Variants in RANBP17 observed in about 807,000 individuals in gnomAD.
RANBP17 encodes ran-binding protein 17.
In RANBP17, 158 loss-of-function variants were observed where a neutral mutation model predicts 141.2. The observed-to-expected ratio is 1.12, with a 90% CI of 0.98 to 1.28. The LOEUF (loss-of-function observed/expected upper bound fraction) is 1.28. Ranked by LOEUF, RANBP17 falls within the 50% of genes most tolerant of loss-of-function variation. RANBP17 has a pLI of 0.00. For synonymous variants in RANBP17, 430 were observed against 450.0 expected, an observed-to-expected ratio of 0.96 and a Z score of 0.56; for missense variants, 1,438 against 1,290.7, an observed-to-expected ratio of 1.11 and a Z score of -1.75.
intron 12 of RANBP17, among the ~76,000 whole-genome samples, chr5:170,939,161 A>G (rs1774123048): frequency 6.6e-6 from 1 of 152,164 alleles, no homozygotes; most frequent in African/African-American, 2.4e-5. Context: ...CTGTTATTGT[A>G]TATCAGCAAA....
intron 14 of RANBP17, among the ~76,000 whole-genome samples, chr5:170,970,188 A>G (rs1561943424): frequency 6.6e-6 from 1 of 151,862 alleles, no homozygotes; most frequent in Non-Finnish European, 1.5e-5. Flanking sequence ...CAATTTTTTT[A>G]GCAACCAACT....
At chr5:171,160,975 G>C (rs571134865) in intron 14 of RANBP17, among the ~76,000 whole-genome samples, 1 of 152,186 alleles carries the variant, frequency 6.6e-6, no homozygotes, top group South Asian at 2.1e-4. Flanking sequence ...TGTATTTTTA[G>C]TAGAAGTAGA....
intron 14 of RANBP17, among the ~76,000 whole-genome samples, chr5:171,124,064 G>A (rs1756245735): frequency 6.6e-6 from 1 of 152,020 alleles, no homozygotes; most frequent in African/African-American, 2.4e-5. Context: ...CTTAAAAAGA[G>A]TTCAAAATAA....
At chr5:171,056,814 A>G (rs245750) in intron 14 of RANBP17, among the ~76,000 whole-genome samples, 92,610 of 151,598 alleles carry the variant, frequency 0.61, 29,612 homozygotes, top group South Asian at 0.88. Flanking sequence ...TAGCCAAATT[A>G]TACCTCAAAA....
intron 14 of RANBP17, among the ~76,000 whole-genome samples, chr5:171,004,773 C>A (rs1779466917): frequency 6.6e-6 from 1 of 152,106 alleles, no homozygotes; most frequent in Non-Finnish European, 1.5e-5. Flanking sequence ...CGGGGGCCCA[C>A]ACAGACAGGG....
At chr5:171,290,137 G>A (rs1275710404) in intron 25 of RANBP17, among the ~76,000 whole-genome samples, 1 of 151,922 alleles carries the variant, frequency 6.6e-6, no homozygotes, top group African/African-American at 2.4e-5. Context: ...GGGAGGCGGA[G>A]GCAGGTGGAT....
At chr5:170,990,041 A>G (rs1456957876) in intron 14 of RANBP17, among the ~76,000 whole-genome samples, 2 of 151,854 alleles carry the variant, frequency 1.3e-5, no homozygotes, top group Non-Finnish European at 3.0e-5. Context: ...GCAAAGTCCA[A>G]GTTAAAGTGC....
intron 12 of RANBP17, among the ~76,000 whole-genome samples, chr5:170,932,603 G>C (rs1261529340): frequency 2.0e-5 from 3 of 152,218 alleles, no homozygotes; most frequent in East Asian, 1.9e-4. Context: ...AGTTTATTGA[G>C]AGTTTTTAGC....
intron 14 of RANBP17, among the ~76,000 whole-genome samples, chr5:171,061,872 G>C (rs1405177277): frequency 6.6e-6 from 1 of 152,150 alleles, no homozygotes; most frequent in Non-Finnish European, 1.5e-5. Context: ...ATATATTTAG[G>C]ATAGCTCTTC....
chr5:170,872,806 T>C (rs1156504331), intron 1 of RANBP17, among the ~76,000 whole-genome samples: 1 of 152,268 alleles, frequency 6.6e-6, no homozygotes, highest in African/African-American at 2.4e-5. Context: ...ATTTTTGTCA[T>C]TGGCTCTGTT....
At chr5:171,276,937 A>C (rs928449010) in intron 25 of RANBP17, among the ~76,000 whole-genome samples, 1 of 151,204 alleles carries the variant, frequency 6.6e-6, no homozygotes, top group Non-Finnish European at 1.5e-5. Context: ...AAAAAAAAAA[A>C]AAAAAAACCT....
At chr5:171,224,724 A>G (rs1413521838) in intron 22 of RANBP17, among the ~76,000 whole-genome samples, 1 of 152,248 alleles carries the variant, frequency 6.6e-6, no homozygotes, top group Non-Finnish European at 1.5e-5. Context: ...TCTTGCAAAG[A>G]AAAGCCAGTA....
intron 25 of RANBP17, among the ~76,000 whole-genome samples, chr5:171,288,367 G>A (rs971879879): frequency 6.6e-6 from 1 of 152,176 alleles, no homozygotes; most frequent in African/African-American, 2.4e-5. Flanking sequence ...ACTGAAGGTG[G>A]AAGAATGAGC....
rs576409357 is a variant in RANBP17 at position 170,965,801 on chromosome 5, G to C, written c.1575-2441G>C. Among the ~76,000 whole-genome samples the C allele has an allele frequency of 2.0e-5, 3 of 152,228 alleles. No homozygotes were observed. In the South Asian group the frequency reaches 6.2e-4, roughly 32 times the overall value. ...GTACCATGCTGTTTTGGTTACTGTA[G>C]CCTTGTAGTATAGTTTGAAGTCAGG... On this transcript the variant is annotated intron_variant, in intron 13 of 27. Transcript: ENST00000523189.
intron 3 of RANBP17, among the ~76,000 whole-genome samples, chr5:170,883,942 A>T (rs918449050): frequency 1.3e-5 from 2 of 152,136 alleles, no homozygotes; most frequent in Non-Finnish European, 2.9e-5. Context: ...GTGCCCAAAC[A>T]TTTTCAGCTC....
chr5:171,191,986 A>G (rs1014889167), intron 18 of RANBP17, among the ~76,000 whole-genome samples: 9 of 152,202 alleles, frequency 5.9e-5, no homozygotes, highest in African/African-American at 2.2e-4. Flanking sequence ...TTTGTTCTGT[A>G]TAGGTATATT....
At chr5:170,995,856 AG>A in intron 14 of RANBP17, among the ~76,000 whole-genome samples, 1 of 152,144 alleles carries the variant, frequency 6.6e-6, no homozygotes, top group Admixed American at 6.6e-5. Context: ...AACGATTGGA[AG>A]AAAATACATT....
intron 1 of RANBP17, among the ~76,000 whole-genome samples, chr5:170,875,714 A>G (rs1768123148): frequency 6.6e-6 from 1 of 151,820 alleles, no homozygotes; most frequent in Non-Finnish European, 1.5e-5. Context: ...GTAGCCTTTT[A>G]TTATGGTTCT....
At chr5:171,240,807 C>A in intron 22 of RANBP17, 121 bp from the exon 23 acceptor site, 1 of 610,902 alleles carries the variant, frequency 1.6e-6, no homozygotes, top group South Asian at 2.8e-5. Flanking sequence ...AAAAAAAATT[C>A]TTAAAAATAT....
Sources: allele counts gnomAD v4.1 joint callset (sites outside exome capture counted in the v4.1 genomes callset), GRCh38; gene constraint gnomAD v4.1.1; transcripts MANE v1.5; gene names NCBI Gene and HGNC (gene_info 2026-07-23, HGNC 2026-07-21).